DIP2C: variants seen among roughly 807,000 people sequenced by gnomAD.
DIP2C encodes the protein disco-interacting protein 2 homolog C.
A neutral mutation model predicts 192.4 loss-of-function variants in DIP2C; 33 were observed. The ratio of observed to expected loss-of-function variants is 0.17; its 90% CI spans 0.13 to 0.23. DIP2C has a LOEUF of 0.23. Ranked by LOEUF, DIP2C falls within the 10% of genes least tolerant of loss-of-function variation. The pLI is 1.00. For synonymous variants in DIP2C, 979 were observed against 864.1 expected (o/e 1.13, Z -2.33); for missense variants, 1,537 against 2,110.1 (o/e 0.73, Z 5.32).
At chr10:538,756 C>T (rs1847828701) in intron 1 of DIP2C, among the ~76,000 whole-genome samples, 1 of 152,154 alleles carries the variant, frequency 6.6e-6, no homozygotes, top group Admixed American at 6.5e-5. Flanking sequence ...TTCTTTTTAA[C>T]AAAAGATAAC....
chr10:574,794 G>A (rs1588493230), intron 1 of DIP2C, among the ~76,000 whole-genome samples: 1 of 152,178 alleles, frequency 6.6e-6, no homozygotes, highest in Non-Finnish European at 1.5e-5. Context: ...TGATACTAGA[G>A]GTCTTGTGCA....
chr10:404,261 T>G (rs1964646405), intron 9 of DIP2C, among the ~76,000 whole-genome samples: 1 of 151,016 alleles, frequency 6.6e-6, no homozygotes, highest in South Asian at 2.1e-4. Flanking sequence ...CAGGCTGGAG[T>G]ACAGTAGTGC....
At chr10:476,598 C>T (rs552990492) in intron 2 of DIP2C, among the ~76,000 whole-genome samples, 37 of 152,256 alleles carry the variant, frequency 2.4e-4, no homozygotes, top group African/African-American at 8.2e-4. Flanking sequence ...CACCCTTGTG[C>T]GGTGTCTGAA....
intron 14 of DIP2C, among the ~76,000 whole-genome samples, chr10:385,994 C>A (rs536175828): frequency 6.6e-6 from 1 of 152,188 alleles, no homozygotes; most frequent in Non-Finnish European, 1.5e-5. Flanking sequence ...TGGAGAGACT[C>A]GCACCTGCCA....
chr10:411,764 C>T (rs114809088), intron 8 of DIP2C, among the ~76,000 whole-genome samples: 12 of 152,296 alleles, frequency 7.9e-5, no homozygotes, highest in African/African-American at 1.4e-4. Flanking sequence ...TCTCATTCGA[C>T]GAGCTTGTTT....
intron 3 of DIP2C, among the ~76,000 whole-genome samples, chr10:463,127 A>G (rs117810186): frequency 0.015 from 2,345 of 152,310 alleles, 32 homozygotes; most frequent in South Asian, 0.038. Context: ...GCCCTCTCTC[A>G]ACATAGTATT....
At chr10:488,621 C>T (rs979901744) in intron 1 of DIP2C, among the ~76,000 whole-genome samples, 5 of 152,194 alleles carry the variant, frequency 3.3e-5, no homozygotes, top group African/African-American at 9.6e-5. Context: ...CTCCTGACTC[C>T]ATAACCTGCC....
At chr10:284,819 C>T (rs142340819) in intron 34 of DIP2C, among the ~76,000 whole-genome samples, 24 of 152,268 alleles carry the variant, frequency 1.6e-4, no homozygotes, top group African/African-American at 5.3e-4. Context: ...TATGTATATA[C>T]ATCAAAGCAT....
chr10:472,349 GC>G, intron 3 of DIP2C, 89 bp downstream of exon 3: 1 of 1,237,080 alleles, frequency 8.1e-7, no homozygotes. Flanking sequence ...CACGCCCACT[GC>G]ACTTCTGCCT....
chr10:619,532 C>CAGGGCCAGGGCCAGGGCCAA (rs750101870), intron 1 of DIP2C, among the ~76,000 whole-genome samples: 205 of 40,750 alleles, frequency 5.0e-3, no homozygotes, highest in East Asian at 0.047. Flanking sequence ...GGACCAAGCC[C>CAGGGCCAGGGCCAGGGCCAA]GCCCGCCCGC....
In DIP2C at chr10:355,237, G is replaced by A. The variant is rs975109400; in HGVS notation, c.2985+1189C>T. Among the ~76,000 whole-genome samples the A allele has an allele frequency of 1.1e-4, 17 of 152,314 alleles. 1 individual carries two copies. The highest frequency in any genetic ancestry group is 1.1e-3 in the Admixed American group (17 of 15,296). On this transcript the variant is annotated intron_variant, in intron 24 of 36. Coordinates refer to ENST00000280886, the MANE Select transcript of DIP2C (RefSeq NM_014974.3). ...TGGGAAACAGTCTTGAGCAGATACA[G>A]TGAACGACCAATGGCTGGGATCAAC...
chr10:586,597 C>T (rs1851047158), intron 1 of DIP2C, among the ~76,000 whole-genome samples: 1 of 152,232 alleles, frequency 6.6e-6, no homozygotes, highest in Admixed American at 6.5e-5. Flanking sequence ...AGACATTTAA[C>T]TAGAGCCCAA....
intron 17 of DIP2C, among the ~76,000 whole-genome samples, chr10:373,954 G>T (rs1327884302): frequency 6.6e-6 from 1 of 152,124 alleles, no homozygotes; most frequent in Non-Finnish European, 1.5e-5. Flanking sequence ...TAGCCCCCCG[G>T]ATCCAATTTC....
intron 1 of DIP2C, among the ~76,000 whole-genome samples, chr10:495,843 T>C (rs555982075): frequency 6.6e-6 from 1 of 150,530 alleles, no homozygotes; most frequent in Non-Finnish European, 1.5e-5. Flanking sequence ...AGAACATGAG[T>C]GCTGAGTACA....
intron 19 of DIP2C, among the ~76,000 whole-genome samples, chr10:365,581 A>T (rs1960092660): frequency 1.3e-5 from 2 of 152,160 alleles, no homozygotes; most frequent in Non-Finnish European, 2.9e-5. Flanking sequence ...GTATCCCCAA[A>T]CAATTTATAT....
intron 1 of DIP2C, among the ~76,000 whole-genome samples, chr10:524,978 A>AAAAAAAAAAAAAAAAAAAAAAC (rs1324287190): frequency 1.3e-5 from 2 of 151,488 alleles, no homozygotes; most frequent in African/African-American, 4.9e-5. Flanking sequence ...AAAAAAAAAA[A>AAAAAAAAAAAAAAAAAAAAAAC]AAAAAGAATC....
intron 9 of DIP2C, among the ~76,000 whole-genome samples, chr10:406,890 C>G (rs1490007418): frequency 2.6e-5 from 4 of 152,108 alleles, no homozygotes; most frequent in Admixed American, 2.0e-4. Flanking sequence ...ACCACCCAGA[C>G]AGGTCATCTG....
intron 1 of DIP2C, among the ~76,000 whole-genome samples, chr10:488,014 A>T (rs1844149649): frequency 6.6e-6 from 1 of 152,204 alleles, no homozygotes; most frequent in Non-Finnish European, 1.5e-5. Context: ...TGCCTTGTTA[A>T]CCCGTTTTAC....
intron 28 of DIP2C, 113 bp downstream of exon 28, chr10:344,696 T>C (rs560979626): frequency 1.2e-6 from 1 of 847,782 alleles, no homozygotes; most frequent in East Asian, 2.6e-5. Flanking sequence ...TATACCTCTT[T>C]CCACATCTCA....
Sources: allele counts gnomAD v4.1 joint callset (sites outside exome capture counted in the v4.1 genomes callset), GRCh38; gene constraint gnomAD v4.1.1; transcripts MANE v1.5; gene names NCBI Gene and HGNC (gene_info 2026-07-23, HGNC 2026-07-21).